Variants in GPLD1 observed in about 807,000 individuals in gnomAD.
GPLD1 encodes phosphatidylinositol-glycan-specific phospholipase D.
A neutral mutation model predicts 112.6 loss-of-function variants in GPLD1; 84 were observed. That is an observed-to-expected ratio of 0.75 (90% CI 0.63 to 0.89). GPLD1 has a LOEUF of 0.89. Among genes scored for constraint, GPLD1 ranks in the 40% least tolerant of loss-of-function variants. The probability of loss-of-function intolerance (pLI) is 0.00; values close to 1 mark genes in which losing one functional copy is unlikely to be tolerated. For missense variants in GPLD1, 1,044 were observed against 1,051.5 expected, an observed-to-expected ratio of 0.99 and a Z score of 0.10; for synonymous variants, 386 against 403.8, an observed-to-expected ratio of 0.96 and a Z score of 0.53.
chr6:24,456,958 C>T (rs1291355784), intron 12 of GPLD1, among the ~76,000 whole-genome samples: 1 of 152,136 alleles, frequency 6.6e-6, no homozygotes, highest in Non-Finnish European at 1.5e-5. Context: ...GCAACCTCCG[C>T]CCCCTGGGTT....
intron 12 of GPLD1, among the ~76,000 whole-genome samples, chr6:24,458,344 C>T (rs1763331215): frequency 6.6e-6 from 1 of 152,116 alleles, no homozygotes; most frequent in African/African-American, 2.4e-5. Context: ...TAAAGCCTAG[C>T]TCTGACTTGC....
At chr6:24,472,550 A>C (rs1291457377) in intron 7 of GPLD1, 32 bp downstream of exon 7, 1 of 1,300,162 alleles carries the variant, frequency 7.7e-7, no homozygotes, top group South Asian at 1.2e-5. Context: ...TGCCACTTAG[A>C]TACCACATAT....
intron 20 of GPLD1, 93 bp from the exon 21 acceptor site, chr6:24,437,382 C>T (rs186349372): frequency 2.5e-6 from 3 of 1,208,962 alleles, no homozygotes; most frequent in African/African-American, 3.0e-5. Context: ...ACTGATCACT[C>T]GGGATCCTAC....
intron 20 of GPLD1, among the ~76,000 whole-genome samples, chr6:24,441,160 G>A (rs1762735206): frequency 2.2e-5 from 3 of 136,630 alleles, no homozygotes; most frequent in Admixed American, 2.2e-4. Context: ...AAAAAAAATA[G>A]CTGGGCATGG....
downstream of GPLD1, chr6:24,425,093 G>C (rs1762185698): frequency 6.6e-6 from 1 of 152,220 alleles, no homozygotes; most frequent in African/African-American, 2.4e-5. Flanking sequence ...TTGTCGGAAT[G>C]TGAACATACA....
At chr6:24,446,021 A>G (rs1762900247) in intron 18 of GPLD1, among the ~76,000 whole-genome samples, 190 bp from the exon 19 acceptor site, 1 of 151,990 alleles carries the variant, frequency 6.6e-6, no homozygotes, top group African/African-American at 2.4e-5. Flanking sequence ...TCCAGGTGCC[A>G]CACCCACCAT....
chr6:24,456,792 A>T (rs1315015914), intron 12 of GPLD1, among the ~76,000 whole-genome samples, 155 bp from the exon 13 acceptor site: 1 of 152,226 alleles, frequency 6.6e-6, no homozygotes, highest in South Asian at 2.1e-4. Flanking sequence ...AGCAAGTAAG[A>T]TCACTTAGGA....
chr6:24,446,015 G>A (rs991406475), intron 18 of GPLD1, among the ~76,000 whole-genome samples, 184 bp from the exon 19 acceptor site: 12 of 151,992 alleles, frequency 7.9e-5, no homozygotes, highest in South Asian at 2.1e-4. Context: ...AGGCTCTCCA[G>A]GTGCCACACC....
chr6:24,443,610 T>G (rs1762819398), intron 20 of GPLD1, among the ~76,000 whole-genome samples: 1 of 152,210 alleles, frequency 6.6e-6, no homozygotes, highest in South Asian at 2.1e-4. Flanking sequence ...TTTTTTGTTA[T>G]AATGCTGTGT....
At chr6:24,485,511 C>A (rs1442331987) in intron 2 of GPLD1, among the ~76,000 whole-genome samples, 1 of 152,080 alleles carries the variant, frequency 6.6e-6, no homozygotes, top group Non-Finnish European at 1.5e-5. Context: ...TGAGTCATAT[C>A]ATTAAAATCT....
intron 22 of GPLD1, among the ~76,000 whole-genome samples, chr6:24,434,731 G>C (rs920013466): frequency 6.7e-6 from 1 of 150,020 alleles, no homozygotes; most frequent in African/African-American, 2.5e-5. Flanking sequence ...CCAGCTACTT[G>C]GGAGGCTGAG....
chr6:24,425,046 A>AC (rs1213352360), downstream of GPLD1: 2 of 152,234 alleles, frequency 1.3e-5, no homozygotes, highest in Non-Finnish European at 2.9e-5. Context: ...CCCCTGTGCC[A>AC]CCACACTGTG....
intron 18 of GPLD1, among the ~76,000 whole-genome samples, chr6:24,446,120 C>T (rs1299725151): frequency 6.6e-6 from 1 of 151,972 alleles, no homozygotes; most frequent in Non-Finnish European, 1.5e-5. Context: ...GGTGGTCCCC[C>T]CGATCCCTAC....
At chr6:24,480,635 C>T (rs1434554328) in intron 2 of GPLD1, among the ~76,000 whole-genome samples, 9 of 149,358 alleles carry the variant, frequency 6.0e-5, no homozygotes, top group African/African-American at 1.8e-4. Flanking sequence ...TGTAAGATGA[C>T]GTCCTTTGTG....
At position 24,445,547 on chromosome 6, in the gene GPLD1, G is replaced by T. The variant is rs140430161; in HGVS notation, c.2019C>A (p.Tyr673Ter). ...ACAGTTTCACAGTGTGTGACCTACC[G>T]TACGTAGGGGCTCCAACCAGCAGCA... is the stretch of plus-strand genomic sequence containing the variant. Reference protein sequence around the residue: ...KQVLLVGAPTYDDVSKVAFLT... With the variant: ...KQVLLVGAPT The change falls in exon 20 of 25, where the codon TAC (tyrosine) becomes TAA (stop). Residue 673 changes from tyrosine to a stop codon, truncating the protein, a stop_gained and splice_region_variant. Transcript: ENST00000230036. LOFTEE classifies it high-confidence loss of function. 10 of 1,605,256 alleles carry T rather than the reference G, an allele frequency of 6.2e-6. No homozygotes were observed. The highest frequency in any genetic ancestry group is 8.5e-6 in the Non-Finnish European group (10 of 1,171,934).
intron 11 of GPLD1, among the ~76,000 whole-genome samples, chr6:24,461,307 T>G (rs1453606654): frequency 6.7e-6 from 1 of 150,204 alleles, no homozygotes. Flanking sequence ...AACAACAAAG[T>G]ATGTTGAAGG....
At chr6:24,487,478 C>T (rs572213477) in intron 1 of GPLD1, among the ~76,000 whole-genome samples, 3 of 151,654 alleles carry the variant, frequency 2.0e-5, no homozygotes, top group Non-Finnish European at 4.4e-5. Context: ...TGAAGAAGGG[C>T]AAGCAATTAT....
chr6:24,441,223 A>T (rs2753913), intron 20 of GPLD1, among the ~76,000 whole-genome samples: 110,960 of 150,898 alleles, frequency 0.74, 42,023 homozygotes, highest in Non-Finnish European at 0.84. Flanking sequence ...GGAGAACTGC[A>T]TGAACCTGGG....
chr6:24,488,204 GA>G (rs1764440377), intron 1 of GPLD1, among the ~76,000 whole-genome samples: 2 of 152,124 alleles, frequency 1.3e-5, no homozygotes, highest in African/African-American at 4.8e-5. Flanking sequence ...TCAGGAGATC[GA>G]GATCATCCTG....
Sources: allele counts gnomAD v4.1 joint callset (sites outside exome capture counted in the v4.1 genomes callset), GRCh38; gene constraint gnomAD v4.1.1; transcripts MANE v1.5; gene names NCBI Gene and HGNC (gene_info 2026-07-23, HGNC 2026-07-21).